Variants in HERC2 observed in about 807,000 individuals in gnomAD.
HERC2 encodes E3 ubiquitin-protein ligase HERC2.
Under a neutral mutation model 537.7 loss-of-function variants are expected in HERC2, and 102 were observed. That is an observed-to-expected ratio of 0.19 (90% CI 0.16 to 0.22). The LOEUF is 0.22. HERC2 is among the 10% of genes least tolerant of loss of function. The probability of loss-of-function intolerance (pLI) is 1.00; values close to 1 mark genes in which losing one functional copy is unlikely to be tolerated. For synonymous variants in HERC2, 2,224 were observed against 2,466.2 expected, an observed-to-expected ratio of 0.90 and a Z score of 2.91; for missense variants, 4,236 against 6,198.2, an observed-to-expected ratio of 0.68 and a Z score of 10.63.
At chr15:28,115,372 C>T (rs1409913801) in intron 89 of HERC2, 57 bp downstream of exon 89, 5 of 1,192,186 alleles carry the variant, frequency 4.2e-6, no homozygotes, top group South Asian at 1.3e-5. Flanking sequence ...ACCCGCAGAA[C>T]AGACTGTGCC....
At chr15:28,316,597 A>C (rs1165660909) in intron 2 of HERC2, among the ~76,000 whole-genome samples, 2 of 152,236 alleles carry the variant, frequency 1.3e-5, no homozygotes, top group Admixed American at 6.5e-5. Flanking sequence ...TTGAGGCACC[A>C]GTATTTGGAT....
rs766759949 is a variant in HERC2 at position 28,141,795 on chromosome 15, G to C, written c.11752C>G (p.Leu3918Val). Residue 3918 changes from leucine to valine, a missense_variant, in exon 77 of 93, where the codon CTG becomes GTG. Physicochemically the swap from Leu to Val is conservative, Grantham distance 32. Transcript: ENST00000261609. ...TTAAAAATGTCATGGCTCTCATGCA[G>C]AACATCCATGTTTTCGCTGTCTGCC... ...LMADSENMDV[L>V]HESHDIFKRE... The C allele has an allele frequency of 6.2e-7, 1 of 1,614,162 alleles. No individual in the cohort carries two copies.
chr15:28,125,744 G>C (rs577308589), intron 83 of HERC2, among the ~76,000 whole-genome samples: 2 of 151,848 alleles, frequency 1.3e-5, no homozygotes, highest in Non-Finnish European at 2.9e-5. Flanking sequence ...GCATGATCAC[G>C]GTTCACTGCA....
chr15:28,238,888 G>T, intron 23 of HERC2, 116 bp from the exon 24 acceptor site: 2 of 771,008 alleles, frequency 2.6e-6, no homozygotes, highest in Non-Finnish European at 4.7e-6. Context: ...CACAATGGGA[G>T]AAATACATAC....
intron 7 of HERC2, 130 bp from the exon 8 acceptor site, chr15:28,273,134 TTC>T: frequency 1.4e-6 from 1 of 697,998 alleles, no homozygotes; most frequent in Non-Finnish European, 2.5e-6. Context: ...AGGATCAAGT[TTC>T]TGATACTTGC....
intron 2 of HERC2, among the ~76,000 whole-genome samples, chr15:28,308,555 T>C (rs1248292973): frequency 1.3e-5 from 2 of 152,220 alleles, no homozygotes; most frequent in African/African-American, 4.8e-5. Flanking sequence ...TTCTCTTGTC[T>C]GATTGCTCTA....
At chr15:28,155,443 T>C (rs1566951275) in intron 69 of HERC2, among the ~76,000 whole-genome samples, 1 of 152,196 alleles carries the variant, frequency 6.6e-6, no homozygotes, top group Non-Finnish European at 1.5e-5. Flanking sequence ...TCCTGACTTT[T>C]TAACGATCGC....
chr15:28,111,843 C>T lies in HERC2; in HGVS notation c.14425G>A (p.Asp4809Asn), dbSNP rs762060698. Residue 4809 changes from aspartate (D) to asparagine (N), a missense_variant, in exon 93 of 93, where the codon GAC becomes AAC. This residue lies in a region of HERC2 where 313 missense variants were observed against 462.6 expected (regional missense o/e 0.68). Transcript: ENST00000261609. ...IALTGEPAADDSSDDSDNEDV... is the reference protein window; with the variant it reads ...IALTGEPAADNSSDDSDNEDV... The stretch of plus-strand genomic sequence containing the variant: ...TCGTTATCTGAATCGTCGCTGCTGT[C>T]GTCGGCGGCTGGCTCTCCTGTAAGT... The T allele has an allele frequency of 8.1e-6, 13 of 1,614,218 alleles. No individual in the cohort carries two copies. The highest frequency in any genetic ancestry group is 6.7e-5 in the Admixed American group (4 of 60,032).
At position 28,228,334 on chromosome 15, in the gene HERC2, G is replaced by C; in HGVS notation, c.5348C>G (p.Ala1783Gly). 1 of 1,612,296 alleles carries C rather than the reference G, an allele frequency of 6.2e-7. No individual in the cohort carries two copies. The highest frequency in any genetic ancestry group is 1.3e-5 in the African/African-American group (1 of 74,996). The stretch of plus-strand genomic sequence containing the variant: ...GCTGAGCATCACCAGGAGGAAGCGG[G>C]CTTGCGGGATGGTCCCCAGGCTCGG... ...SGPSLGTIPQARFLLVMLSML... is the reference protein window; with the variant it reads ...SGPSLGTIPQGRFLLVMLSML... The change falls in exon 35 of 93, where the codon GCC (alanine) becomes GGC (glycine). Residue 1783 changes from alanine to glycine, a missense_variant. By Grantham distance (60) the Ala-to-Gly change is moderately conservative. Coordinates refer to ENST00000261609, the MANE Select transcript of HERC2 (RefSeq NM_004667.6).
chr15:28,236,437 C>A (rs142952871), intron 26 of HERC2, among the ~76,000 whole-genome samples: 2 of 151,600 alleles, frequency 1.3e-5, no homozygotes, highest in African/African-American at 4.8e-5. Context: ...ATTACAGGCA[C>A]CCGTCACCAC....
chr15:28,295,035 A>G (rs868122444), intron 3 of HERC2, among the ~76,000 whole-genome samples: 36 of 152,074 alleles, frequency 2.4e-4, no homozygotes, highest in African/African-American at 8.7e-4. Context: ...ATTGTTAGCC[A>G]TTACAGAATT....
At chr15:28,312,400 A>G (rs1415314961) in intron 2 of HERC2, among the ~76,000 whole-genome samples, 1 of 152,302 alleles carries the variant, frequency 6.6e-6, no homozygotes, top group East Asian at 1.9e-4. Flanking sequence ...TGGGAGGCCA[A>G]GACAGAAGAA....
chr15:28,114,926 G>T (rs1054135350), intron 89 of HERC2, 124 bp from the exon 90 acceptor site: 3 of 706,660 alleles, frequency 4.2e-6, no homozygotes, highest in Admixed American at 5.0e-5. Flanking sequence ...TCTCGAGGCT[G>T]CAAGTGCATG....
At chr15:28,197,754 C>G (rs1020531984) in intron 50 of HERC2, among the ~76,000 whole-genome samples, 10 of 152,072 alleles carry the variant, frequency 6.6e-5, no homozygotes, top group Non-Finnish European at 1.2e-4. Flanking sequence ...AAAAAGCAGT[C>G]CTGACAGTCA....
intron 88 of HERC2, among the ~76,000 whole-genome samples, chr15:28,116,437 G>A (rs1035576720): frequency 6.6e-6 from 1 of 151,884 alleles, no homozygotes. Flanking sequence ...GGCTGGTCTC[G>A]AACTCCTGAC....
intron 38 of HERC2, among the ~76,000 whole-genome samples, chr15:28,217,318 T>C (rs2525907): frequency 0.011 from 1,597 of 145,144 alleles, 20 homozygotes; most frequent in African/African-American, 0.033. Flanking sequence ...CCTGCCCACT[T>C]ACATGCTCTC....
At chr15:28,305,233 T>G (rs916212292) in intron 2 of HERC2, among the ~76,000 whole-genome samples, 21 of 151,436 alleles carry the variant, frequency 1.4e-4, no homozygotes, top group African/African-American at 5.1e-4. Context: ...ATATACCCAG[T>G]AATGGGATGG....
intron 86 of HERC2, among the ~76,000 whole-genome samples, chr15:28,118,879 C>T (rs1888570067): frequency 6.6e-6 from 1 of 152,350 alleles, no homozygotes; most frequent in Non-Finnish European, 1.5e-5. Flanking sequence ...CGGGAAGGAG[C>T]CACCTCTGGC....
intron 15 of HERC2, 141 bp downstream of exon 15, chr15:28,262,777 T>C: frequency 1.2e-6 from 1 of 850,584 alleles, no homozygotes; most frequent in South Asian, 1.7e-5. Context: ...CTAATGACAG[T>C]CCATTCATGG....
Sources: allele counts gnomAD v4.1 joint callset (sites outside exome capture counted in the v4.1 genomes callset), GRCh38; gene constraint gnomAD v4.1.1; regional missense constraint gnomAD v4.1.1; transcripts MANE v1.5; gene names NCBI Gene and HGNC (gene_info 2026-07-23, HGNC 2026-07-21).